Variants in LTBP2 observed in about 807,000 individuals in gnomAD.
LTBP2 encodes the protein latent-transforming growth factor beta-binding protein 2.
LTBP2 carries 103 observed loss-of-function variants against 210.6 expected under a neutral mutation model. The observed-to-expected ratio is 0.49, with a 90% CI of 0.42 to 0.58. LTBP2 has a LOEUF of 0.58. LTBP2 is among the 20% of genes least tolerant of loss of function. LTBP2 has a pLI of 0.00. For synonymous variants in LTBP2, 1,007 were observed against 1,015.0 expected (o/e 0.99, Z 0.15); for missense variants, 2,313 against 2,494.5 (o/e 0.93, Z 1.55).
chr14:74,522,340 C>T (rs1179522732), intron 16 of LTBP2, among the ~76,000 whole-genome samples: 1 of 152,162 alleles, frequency 6.6e-6, no homozygotes, highest in Non-Finnish European at 1.5e-5. Context: ...GGATATTTCT[C>T]CCTTATTTGA....
In LTBP2 at chr14:74,555,669, G is replaced by A; in HGVS notation, c.855C>T (p.Thr285=). The change falls in exon 4 of 36, where the codon ACC becomes ACT. Residue 285 remains threonine (T), a synonymous_variant. Coordinates refer to ENST00000261978, the MANE Select transcript of LTBP2 (RefSeq NM_000428.3). ...ACCCCACGTGCTGCTGGGAAGGGTGGGTCTGGCTGAGGCCACTCAGGGTCC... is the reference window on the plus strand; with the variant it reads ...ACCCCACGTGCTGCTGGGAAGGGTGAGTCTGGCTGAGGCCACTCAGGGTCC... ...PAGTLSGLSQ[T]HPSQQHVGLS... 6.4e-7 allele frequency: 1 copy of A among 1,561,862 alleles called. No individual in the cohort carries two copies.
chr14:74,567,161 C>A (rs1211417560), intron 3 of LTBP2, among the ~76,000 whole-genome samples: 3 of 152,174 alleles, frequency 2.0e-5, no homozygotes, highest in Non-Finnish European at 2.9e-5. Context: ...CCAGCCCTTG[C>A]CTGCAGCCCG....
chr14:74,564,127 A>T (rs1415987363), intron 3 of LTBP2, among the ~76,000 whole-genome samples: 1 of 34,014 alleles, frequency 2.9e-5, no homozygotes, highest in Non-Finnish European at 5.1e-5. Flanking sequence ...ATATATATTT[A>T]TATATATATT....
chr14:74,559,100 A>G (rs773892135), intron 3 of LTBP2, among the ~76,000 whole-genome samples: 1 of 152,240 alleles, frequency 6.6e-6, no homozygotes, highest in African/African-American at 2.4e-5. Context: ...TGCAGAAACA[A>G]GGAGGAAAAA....
chr14:74,532,440 C>T lies in LTBP2; in HGVS notation c.1973G>A (p.Arg658Gln), dbSNP rs755597541. 69 of 1,613,994 alleles carry T rather than the reference C, an allele frequency of 4.3e-5. No homozygotes were observed. In the Admixed American group the frequency reaches 7.5e-4, roughly 18 times the overall value. Residue 658 changes from arginine to glutamine, a missense_variant, in exon 10 of 36, where the codon CGG becomes CAG. By Grantham distance (43) the Arg-to-Gln change is conservative. Coordinates refer to ENST00000261978, the MANE Select transcript of LTBP2 (RefSeq NM_000428.3). The stretch of plus-strand genomic sequence containing the variant: ...CCAGCACTCACACACACAGCGGCTC[C>T]GCGATGGATCCAGCATGAGGCCAGG... The part of the protein sequence containing the change: ...CRPGLMLDPS[R>Q]SRCVSDKAIS...
At chr14:74,507,547 C>G (rs1389800374) in intron 25 of LTBP2, among the ~76,000 whole-genome samples, 1 of 152,236 alleles carries the variant, frequency 6.6e-6, no homozygotes, top group Admixed American at 6.5e-5. Flanking sequence ...CTGTGACACT[C>G]CTTTTCCTCC....
rs1355017191 is a variant in LTBP2, at chr14:74,503,642, T to G, written c.4583-36A>C. On this transcript the variant is annotated intron_variant, in intron 31 of 35. Coordinates refer to ENST00000261978, the MANE Select transcript of LTBP2 (RefSeq NM_000428.3). ...AGGAAAGGGTGGGGCATTGCCAAGG[T>G]GGCCTTTCCACCAACCACCCTCAGG... is the stretch of plus-strand genomic sequence containing the variant. 3 of 1,610,828 alleles carry G rather than the reference T, an allele frequency of 1.9e-6. No individual in the cohort carries two copies. The African/African-American group carries it at 4.0e-5, about 21-fold the overall frequency.
chr14:74,608,015 G>C (rs1453287048), intron 1 of LTBP2, among the ~76,000 whole-genome samples: 2 of 151,608 alleles, frequency 1.3e-5, no homozygotes, highest in African/African-American at 4.8e-5. Flanking sequence ...CCGCTTCCCG[G>C]GTTCACGCCA....
At position 74,564,063 on chromosome 14, in the gene LTBP2, ATATATATATATTTATATATATATT is replaced by A. The variant is rs1288914773; in HGVS notation, c.831-8394_831-8371del. On this transcript the variant is annotated intron_variant, in intron 3 of 35. Coordinates refer to ENST00000261978, the MANE Select transcript of LTBP2 (RefSeq NM_000428.3). ...TATATATATATTTATATATATATTTATATATATATATTTATATATATATTTATATATATATTTATATATATATTT... is the reference window on the plus strand; with the variant it reads ...TATATATATATTTATATATATATTTATATATATATATTTATATATATATTT... Among the ~76,000 whole-genome samples, 60 of 24,560 alleles carry A rather than the reference ATATATATATATTTATATATATATT, an allele frequency of 2.4e-3. 1 individual carries two copies. The highest frequency in any genetic ancestry group is 8.4e-3 in the African/African-American group (41 of 4,902). The allele number at this position is 24,560 out of a possible 152,430, so 16.1% of individuals were successfully genotyped here. A position where few individuals can be genotyped will look rare whatever the true frequency, so the allele number is the denominator to read the frequency against.
chr14:74,540,421 CGA>C (rs1486552932), intron 8 of LTBP2, among the ~76,000 whole-genome samples: 1 of 151,936 alleles, frequency 6.6e-6, no homozygotes, highest in East Asian at 1.9e-4. Context: ...GGCAGTGAGT[CGA>C]GATCATGCCT....
intron 8 of LTBP2, among the ~76,000 whole-genome samples, chr14:74,545,436 G>A (rs916642377): frequency 1.3e-5 from 2 of 152,224 alleles, no homozygotes; most frequent in African/African-American, 2.4e-5. Flanking sequence ...TGAAAGGGCA[G>A]AGCAAGAGAA....
intron 1 of LTBP2, among the ~76,000 whole-genome samples, chr14:74,608,780 T>C (rs1394312920): frequency 7.0e-6 from 1 of 142,210 alleles, no homozygotes; most frequent in Non-Finnish European, 1.6e-5. Flanking sequence ...AAAGAAACCC[T>C]GTAGACTGTA....
At chr14:74,512,447 C>G (rs967482234) in intron 18 of LTBP2, among the ~76,000 whole-genome samples, 3 of 152,158 alleles carry the variant, frequency 2.0e-5, no homozygotes, top group Admixed American at 6.5e-5. Context: ...GGAGGCAGGC[C>G]TAGGGTCTGA....
At chr14:74,549,691 G>A (rs912954481) in intron 8 of LTBP2, among the ~76,000 whole-genome samples, 172 bp downstream of exon 8, 7 of 152,230 alleles carry the variant, frequency 4.6e-5, no homozygotes, top group African/African-American at 1.7e-4. Context: ...GGGCTGCCAG[G>A]AGCCTCAGTG....
intron 27 of LTBP2, 72 bp downstream of exon 27, chr14:74,506,626 C>A: frequency 1.2e-6 from 2 of 1,600,436 alleles, no homozygotes; most frequent in South Asian, 1.1e-5. Flanking sequence ...GTGACCAGGA[C>A]CAGTTGAGGA....
chr14:74,516,917 C>T lies in LTBP2; in HGVS notation c.2813G>A (p.Gly938Glu), dbSNP rs374770579. Residue 938 changes from glycine to glutamate, a missense_variant, in exon 18 of 36, where the codon GGG becomes GAG. Coordinates refer to ENST00000261978, the MANE Select transcript of LTBP2 (RefSeq NM_000428.3). ...GGTGCACTGCCCCCCGCTGCACACC[C>T]CTGGCTGCTCACACTCATTGATATC... ...CQDINECEQP[G>E]VCSGGQCTNT... 2.6e-5 allele frequency: 40 copies of T among 1,551,796 alleles called. No homozygotes were observed. The highest frequency in any genetic ancestry group is 7.8e-5 in the Admixed American group (4 of 51,054).
intron 3 of LTBP2, among the ~76,000 whole-genome samples, chr14:74,584,873 C>G (rs988924966): frequency 3.3e-5 from 5 of 152,144 alleles, no homozygotes; most frequent in African/African-American, 4.8e-5. Context: ...TCCAACTCAG[C>G]CAGTCTCTCC....
chr14:74,518,294 A>T (rs1441061061), intron 17 of LTBP2, among the ~76,000 whole-genome samples: 2 of 152,160 alleles, frequency 1.3e-5, no homozygotes, highest in African/African-American at 4.8e-5. Context: ...GTTAGCTATT[A>T]TTATCCTAGT....
At chr14:74,533,683 C>G (rs897517949) in intron 9 of LTBP2, among the ~76,000 whole-genome samples, 1 of 152,164 alleles carries the variant, frequency 6.6e-6, no homozygotes, top group South Asian at 2.1e-4. Flanking sequence ...CTGCACGCAT[C>G]CCCCCGGAAA....
Sources: allele counts gnomAD v4.1 joint callset (sites outside exome capture counted in the v4.1 genomes callset), GRCh38; gene constraint gnomAD v4.1.1; transcripts MANE v1.5; gene names NCBI Gene and HGNC (gene_info 2026-07-23, HGNC 2026-07-21).